MAMDC2: variants seen among roughly 807,000 people sequenced by gnomAD.
The protein encoded by MAMDC2 is MAM domain containing 2, also known as MAM domain-containing protein 2.
Under a neutral mutation model 89.8 loss-of-function variants are expected in MAMDC2, and 57 were observed. That is an observed-to-expected ratio of 0.63 (90% CI 0.51 to 0.79). MAMDC2 has a LOEUF of 0.79. MAMDC2 is among the 30% of genes least tolerant of loss of function. MAMDC2 has a pLI of 0.00. For synonymous variants in MAMDC2, 313 were observed against 293.4 expected, an observed-to-expected ratio of 1.07 and a Z score of -0.68; for missense variants, 800 against 820.6, an observed-to-expected ratio of 0.97 and a Z score of 0.31.
chr9:70,120,218 T>C (rs1228116331), intron 5 of MAMDC2, among the ~76,000 whole-genome samples: 1 of 152,222 alleles, frequency 6.6e-6, no homozygotes, highest in Non-Finnish European at 1.5e-5. Flanking sequence ...TTTTTGCCTT[T>C]AGATGTATGC....
At chr9:70,180,645 G>T (rs1048348208) in intron 11 of MAMDC2, among the ~76,000 whole-genome samples, 2 of 152,000 alleles carry the variant, frequency 1.3e-5, no homozygotes, top group African/African-American at 2.4e-5. Context: ...ATGTTTGTTG[G>T]CTGCATAAAC....
At chr9:70,193,243 C>T (rs540503842) in intron 11 of MAMDC2, among the ~76,000 whole-genome samples, 1 of 152,022 alleles carries the variant, frequency 6.6e-6, no homozygotes, top group Non-Finnish European at 1.5e-5. Flanking sequence ...GGAAAGTAAT[C>T]TATATTATAA....
chr9:70,070,340 A>C (rs1449120961), intron 2 of MAMDC2, among the ~76,000 whole-genome samples: 1 of 152,204 alleles, frequency 6.6e-6, no homozygotes, highest in Non-Finnish European at 1.5e-5. Context: ...AAGAAAAGAA[A>C]ATTTGGCTCA....
chr9:70,126,656 T>C (rs2030566170), intron 6 of MAMDC2, among the ~76,000 whole-genome samples: 1 of 152,178 alleles, frequency 6.6e-6, no homozygotes, highest in Non-Finnish European at 1.5e-5. Flanking sequence ...AGAACAAATA[T>C]GGCTAAAGCC....
At chr9:70,095,803 G>C (rs2118196482) in intron 2 of MAMDC2, among the ~76,000 whole-genome samples, 1 of 152,212 alleles carries the variant, frequency 6.6e-6, no homozygotes, top group African/African-American at 2.4e-5. Flanking sequence ...GGGATTTGTT[G>C]TTTTTCTTTC....
chr9:70,071,669 A>G (rs1827413560), intron 2 of MAMDC2: 1 of 152,176 alleles, frequency 6.6e-6, no homozygotes, highest in South Asian at 2.1e-4. Context: ...GTAATTTTTT[A>G]CTTCTGCAGT....
chr9:70,209,502 CTATT>C (rs1175142385), intron 11 of MAMDC2, among the ~76,000 whole-genome samples: 7 of 151,728 alleles, frequency 4.6e-5, no homozygotes, highest in African/African-American at 9.7e-5. Context: ...TTTATTGCAT[CTATT>C]TGATTCTTCT....
chr9:70,199,879 C>G (rs1033332239), intron 11 of MAMDC2, among the ~76,000 whole-genome samples: 123 of 151,458 alleles, frequency 8.1e-4, no homozygotes, highest in Middle Eastern at 6.8e-3. Context: ...ATGTCCTTCG[C>G]CCACTTTTTG....
In MAMDC2 at chr9:70,109,020, G is replaced by A. The variant is rs115124916; in HGVS notation, c.420+538G>A. Among the ~76,000 whole-genome samples the A allele has an allele frequency of 7.9e-3, 1,201 of 152,322 alleles. 8 individuals carry two copies. The highest frequency in any genetic ancestry group is 0.028 in the African/African-American group (1,145 of 41,578). The stretch of plus-strand genomic sequence containing the variant: ...TAGCGAATGTAAGGTGAAGCTGGGT[G>A]TGGACTGGATAAGGAAGGAGGATGG... On this transcript the variant is annotated intron_variant, in intron 3 of 13. Transcript: ENST00000377182.
intron 9 of MAMDC2, among the ~76,000 whole-genome samples, chr9:70,160,935 T>C (rs540336255): frequency 6.6e-6 from 1 of 152,252 alleles, no homozygotes; most frequent in East Asian, 1.9e-4. Context: ...ATCATGTCTC[T>C]CAGAATCGTA....
intron 7 of MAMDC2, 100 bp from the exon 8 acceptor site, chr9:70,140,044 TC>T: frequency 8.1e-7 from 1 of 1,239,564 alleles, no homozygotes; most frequent in Non-Finnish European, 1.1e-6. Context: ...TTCTTCGGTC[TC>T]CCCTGGTACA....
At chr9:70,127,183 T>G (rs1370228547) in intron 6 of MAMDC2, among the ~76,000 whole-genome samples, 1 of 152,196 alleles carries the variant, frequency 6.6e-6, no homozygotes, top group Non-Finnish European at 1.5e-5. Context: ...TCCAGCCAAG[T>G]AGATAAAATT....
chr9:70,062,855 G>A (rs955816801), intron 2 of MAMDC2: 16 of 152,148 alleles, frequency 1.1e-4, no homozygotes, highest in African/African-American at 3.4e-4. Context: ...CAGCAAAAAC[G>A]GATTTTTTTA....
At chr9:70,108,028 G>A (rs1452960215) in intron 2 of MAMDC2, among the ~76,000 whole-genome samples, 183 bp from the exon 3 acceptor site, 1 of 152,178 alleles carries the variant, frequency 6.6e-6, no homozygotes, top group African/African-American at 2.4e-5. Context: ...CTGGTAACAT[G>A]GTCTCAGTGC....
chr9:70,062,734 C>G (rs1240489116), intron 2 of MAMDC2: 2 of 152,206 alleles, frequency 1.3e-5, no homozygotes, highest in Non-Finnish European at 2.9e-5. Flanking sequence ...AGGGTTGGAG[C>G]TCTGGGTCTG....
intron 2 of MAMDC2, among the ~76,000 whole-genome samples, chr9:70,064,631 T>C (rs1827223808): frequency 6.6e-6 from 1 of 152,180 alleles, no homozygotes; most frequent in East Asian, 1.9e-4. Flanking sequence ...AAACAGCTTT[T>C]ACAGATAATT....
chr9:70,059,952 T>G (rs1446196144), intron 2 of MAMDC2, among the ~76,000 whole-genome samples: 1 of 152,216 alleles, frequency 6.6e-6, no homozygotes, highest in African/African-American at 2.4e-5. Context: ...CCTTCAGACC[T>G]TCACACAACA....
chr9:70,088,113 T>C (rs1489696086), intron 2 of MAMDC2, among the ~76,000 whole-genome samples: 2 of 152,168 alleles, frequency 1.3e-5, no homozygotes, highest in Non-Finnish European at 2.9e-5. Flanking sequence ...GGATATGATG[T>C]TGACAACCCC....
At chr9:70,075,911 C>T (rs1000600152) in intron 2 of MAMDC2, among the ~76,000 whole-genome samples, 2 of 152,200 alleles carry the variant, frequency 1.3e-5, no homozygotes, top group East Asian at 3.9e-4. Flanking sequence ...ATCTTCAGCA[C>T]ATGTTGCAAA....
Sources: gnomAD v4.1 joint callset for allele counts (sites outside exome capture counted in the v4.1 genomes callset) on GRCh38, gnomAD v4.1.1 for gene constraint, MANE v1.5 for transcripts, NCBI Gene and HGNC (gene_info 2026-07-23, HGNC 2026-07-21) for gene names.